FHAD1: variants seen among roughly 807,000 people sequenced by gnomAD.
FHAD1 encodes the protein forkhead-associated domain-containing protein 1.
In FHAD1, 146 loss-of-function variants were observed where a neutral mutation model predicts 191.3. The observed-to-expected ratio is 0.76, with a 90% confidence interval of 0.67 to 0.88. The LOEUF (loss-of-function observed/expected upper bound fraction) is 0.88. Among genes scored for constraint, FHAD1 ranks in the 40% least tolerant of loss-of-function variants. FHAD1 has a pLI of 0.00. For synonymous variants in FHAD1, 616 were observed against 672.3 expected, an observed-to-expected ratio of 0.92 and a Z score of 1.29; for missense variants, 1,635 against 1,785.8, an observed-to-expected ratio of 0.92 and a Z score of 1.52.
At chr1:15,353,486 C>T (rs1691573194) in intron 20 of FHAD1, among the ~76,000 whole-genome samples, 1 of 151,992 alleles carries the variant, frequency 6.6e-6, no homozygotes, top group African/African-American at 2.4e-5. Flanking sequence ...GGGCAGATCA[C>T]CTGAGGTCAA....
chr1:15,355,474 A>G (rs545056724), intron 20 of FHAD1, among the ~76,000 whole-genome samples: 6 of 152,256 alleles, frequency 3.9e-5, no homozygotes, highest in Non-Finnish European at 7.3e-5. Context: ...TTTCAAACGC[A>G]TGGGACCGGT....
intron 22 of FHAD1, among the ~76,000 whole-genome samples, chr1:15,361,772 C>T (rs755300402): frequency 4.0e-5 from 6 of 150,148 alleles, no homozygotes; most frequent in East Asian, 2.0e-4. Context: ...TTCCGGAGGC[C>T]GAGGCCGGCG....
intron 2 of FHAD1, among the ~76,000 whole-genome samples, chr1:15,262,762 G>A (rs1045686832): frequency 6.6e-6 from 1 of 152,170 alleles, no homozygotes; most frequent in Non-Finnish European, 1.5e-5. Flanking sequence ...AATGCTGCTA[G>A]GAACACGACT....
At chr1:15,387,947 A>C (rs1702574678) in intron 31 of FHAD1, 104 bp from the exon 32 acceptor site, 1 of 466,702 alleles carries the variant, frequency 2.1e-6, no homozygotes, top group African/African-American at 2.0e-5. Flanking sequence ...TATCTCAGTG[A>C]GTCCCAGCGT....
intron 21 of FHAD1, among the ~76,000 whole-genome samples, chr1:15,359,990 G>A (rs1429564403): frequency 1.3e-5 from 2 of 152,036 alleles, no homozygotes; most frequent in Non-Finnish European, 2.9e-5. Flanking sequence ...GCGCACACCT[G>A]TAGTTCCAGC....
At chr1:15,305,245 C>T (rs958656086) in intron 6 of FHAD1, among the ~76,000 whole-genome samples, 1 of 152,188 alleles carries the variant, frequency 6.6e-6, no homozygotes, top group Non-Finnish European at 1.5e-5. Context: ...ATGCTTTCAA[C>T]AACCCTGAAA....
At chr1:15,251,948 C>A in intron 2 of FHAD1, 71 bp downstream of exon 2, 5 of 1,273,622 alleles carry the variant, frequency 3.9e-6, no homozygotes, top group Non-Finnish European at 5.5e-6. Flanking sequence ...CAGTCCTTAG[C>A]GTTATGTGGA....
chr1:15,251,636 T>A, intron 1 of FHAD1, 135 bp from the exon 2 acceptor site: 1 of 651,500 alleles, frequency 1.5e-6, no homozygotes, highest in South Asian at 2.3e-5. Flanking sequence ...TTGACTGATC[T>A]ATCTAATCCC....
chr1:15,275,742 T>G (rs1658119242), intron 3 of FHAD1, among the ~76,000 whole-genome samples: 1 of 151,744 alleles, frequency 6.6e-6, no homozygotes, highest in Non-Finnish European at 1.5e-5. Flanking sequence ...GGGTCCAGTT[T>G]TTCTAAGAAA....
chr1:15,264,175 C>G (rs1052047472), intron 2 of FHAD1, among the ~76,000 whole-genome samples: 2 of 152,080 alleles, frequency 1.3e-5, no homozygotes, highest in Admixed American at 1.3e-4. Flanking sequence ...AAAAAGAACA[C>G]CATTGGAATT....
At chr1:15,269,017 A>G (rs1221774019) in intron 2 of FHAD1, among the ~76,000 whole-genome samples, 1 of 152,022 alleles carries the variant, frequency 6.6e-6, no homozygotes, top group East Asian at 1.9e-4. Flanking sequence ...ATCAGCTGTG[A>G]TGGCCTCTCT....
At chr1:15,275,552 C>T (rs1658030042) in intron 3 of FHAD1, among the ~76,000 whole-genome samples, 1 of 152,226 alleles carries the variant, frequency 6.6e-6, no homozygotes, top group Non-Finnish European at 1.5e-5. Flanking sequence ...GACATTCGTG[C>T]AGGCTTCCTC....
chr1:15,360,032 G>A (rs1694235356), intron 21 of FHAD1, among the ~76,000 whole-genome samples: 1 of 152,200 alleles, frequency 6.6e-6, no homozygotes, highest in Non-Finnish European at 1.5e-5. Context: ...AGAATCGCTT[G>A]AACCCAGGAG....
Position 15,281,377 on chromosome 1 carries a change from A to C in FHAD1, c.301-8022A>C, listed in dbSNP as rs558602421. Among the ~76,000 whole-genome samples, 4 of 152,342 alleles carry C rather than the reference A, an allele frequency of 2.6e-5. No homozygotes were observed. In the South Asian group the frequency reaches 8.3e-4, roughly 32 times the overall value. ...GACCTAGAGGACTACCTGTATGAAT[A>C]AGCGACATTAGTGGTTCCATGTGGA... is the stretch of plus-strand genomic sequence containing the variant. On this transcript the variant is annotated intron_variant, in intron 3 of 33. Transcript: ENST00000688493.
At chr1:15,368,666 C>T (rs1454189518) in intron 25 of FHAD1, among the ~76,000 whole-genome samples, 1 of 152,136 alleles carries the variant, frequency 6.6e-6, no homozygotes, top group Non-Finnish European at 1.5e-5. Context: ...TAGACCAGGC[C>T]CAGTGGCTCA....
At chr1:15,254,166 G>A (rs1647129784) in intron 2 of FHAD1, among the ~76,000 whole-genome samples, 1 of 152,210 alleles carries the variant, frequency 6.6e-6, no homozygotes, top group African/African-American at 2.4e-5. Flanking sequence ...ACAAGGGGTA[G>A]ATTTAAGGTA....
chr1:15,371,709 C>T (rs1486797374), intron 26 of FHAD1, among the ~76,000 whole-genome samples: 2 of 152,214 alleles, frequency 1.3e-5, no homozygotes, highest in Admixed American at 6.5e-5. Context: ...GGGGCAAACA[C>T]GCATCCTCAA....
chr1:15,307,535 A>T (rs1382469686), intron 6 of FHAD1, among the ~76,000 whole-genome samples: 1 of 152,174 alleles, frequency 6.6e-6, no homozygotes, highest in Non-Finnish European at 1.5e-5. Context: ...ACATTGTGAG[A>T]GGGACACAGG....
In FHAD1 at chr1:15,365,897, C is replaced by T. The variant is rs1696268584; in HGVS notation, c.3118C>T (p.Leu1040Phe). The T allele has an allele frequency of 1.3e-6, 2 of 1,551,538 alleles. No homozygotes were observed. The highest frequency in any genetic ancestry group is 1.7e-6 in the Non-Finnish European group (2 of 1,146,878). Residue 1040 changes from leucine to phenylalanine, a missense_variant, in exon 24 of 34, where the codon CTT (leucine) becomes TTT (phenylalanine). Leu to Phe is a conservative substitution (Grantham distance 22, BLOSUM62 0). Coordinates refer to ENST00000688493, the MANE Select transcript of FHAD1 (RefSeq NM_001391957.1). The stretch of plus-strand genomic sequence containing the variant: ...AGTCATCATGAAGTTAAGGAAAGAC[C>T]TTACCGAAGCCCACAGCAGAATGTC... Reference protein sequence around the residue: ...QEVIMKLRKDLTEAHSRMSDL... With the variant: ...QEVIMKLRKDFTEAHSRMSDL...
Sources: gnomAD v4.1 joint callset for allele counts (sites outside exome capture counted in the v4.1 genomes callset) on GRCh38, gnomAD v4.1.1 for gene constraint, MANE v1.5 for transcripts, NCBI Gene and HGNC (gene_info 2026-07-23, HGNC 2026-07-21) for gene names.